ESRRG: variants seen among roughly 807,000 people sequenced by gnomAD.
ESRRG encodes the protein estrogen related receptor gamma.
A neutral mutation model predicts 44.0 loss-of-function variants in ESRRG; 13 were observed. That is an observed-to-expected ratio of 0.30 (90% CI 0.19 to 0.47). The LOEUF is 0.47. Ranked by LOEUF, ESRRG falls within the 20% of genes least tolerant of loss-of-function variation. The pLI, the probability that ESRRG is intolerant of heterozygous loss-of-function variation, is 1.00. For missense variants in ESRRG, 395 were observed against 580.6 expected (o/e 0.68, Z 3.29); for synonymous variants, 215 against 214.6 (o/e 1.00, Z -0.02).
At chr1:216,800,609 G>A (rs1385356292) in intron 2 of ESRRG, among the ~76,000 whole-genome samples, 1 of 152,110 alleles carries the variant, frequency 6.6e-6, no homozygotes, top group Non-Finnish European at 1.5e-5. Flanking sequence ...GAAATAACAA[G>A]GCAGGGGTCC....
chr1:217,132,553 A>T (rs1391465705), intron 1 of ESRRG, among the ~76,000 whole-genome samples: 1 of 152,174 alleles, frequency 6.6e-6, no homozygotes, highest in Admixed American at 6.5e-5. Flanking sequence ...CGAAAAACAC[A>T]ATTTAGGAAC....
chr1:216,905,726 T>G (rs905176410), intron 2 of ESRRG, among the ~76,000 whole-genome samples: 43 of 152,288 alleles, frequency 2.8e-4, no homozygotes, highest in African/African-American at 1.0e-3. Context: ...CTAATATACC[T>G]GTTAAATAAA....
At chr1:216,755,738 T>A (rs748013876) in intron 2 of ESRRG, among the ~76,000 whole-genome samples, 1 of 152,028 alleles carries the variant, frequency 6.6e-6, no homozygotes. Flanking sequence ...TCCTTTAGTG[T>A]AGACCATCAG....
At chr1:216,814,324 C>T (rs2148510057) in intron 2 of ESRRG, among the ~76,000 whole-genome samples, 1 of 152,224 alleles carries the variant, frequency 6.6e-6, no homozygotes, top group East Asian at 1.9e-4. Flanking sequence ...AAATTCACAA[C>T]CTACAGGGAG....
chr1:216,554,239 A>T (rs546964773), intron 5 of ESRRG, among the ~76,000 whole-genome samples: 1 of 152,134 alleles, frequency 6.6e-6, no homozygotes, highest in South Asian at 2.1e-4. Flanking sequence ...GGATCATCTG[A>T]AGTCAGGAGT....
intron 2 of ESRRG, among the ~76,000 whole-genome samples, chr1:216,868,857 T>C (rs1232780800): frequency 1.3e-5 from 2 of 152,352 alleles, no homozygotes; most frequent in East Asian, 3.9e-4. Context: ...ATGCATTTCA[T>C]ATATTTCCTT....
intron 3 of ESRRG, among the ~76,000 whole-genome samples, chr1:216,627,153 A>G (rs2063319326): frequency 6.6e-6 from 1 of 152,234 alleles, no homozygotes; most frequent in South Asian, 2.1e-4. Flanking sequence ...TGTTCTTTGT[A>G]GAAATCAATA....
chr1:217,082,737 A>G (rs568456557), intron 1 of ESRRG, among the ~76,000 whole-genome samples: 1 of 150,238 alleles, frequency 6.7e-6, no homozygotes, highest in South Asian at 2.1e-4. Flanking sequence ...CAACTTGGCC[A>G]ACTACTTCAG....
chr1:217,089,893 G>C (rs1411874304), upstream of ESRRG, among the ~76,000 whole-genome samples: 1 of 152,250 alleles, frequency 6.6e-6, no homozygotes, highest in Non-Finnish European at 1.5e-5. Context: ...GACCCAGGAC[G>C]TCATGATGCC....
chr1:216,701,049 T>C (rs1028697965), intron 1 of ESRRG, among the ~76,000 whole-genome samples: 1 of 152,140 alleles, frequency 6.6e-6, no homozygotes, highest in African/African-American at 2.4e-5. Context: ...AGAAGCTAAT[T>C]TGGCTTTGAG....
At chr1:216,906,300 T>A (rs957925542) in intron 2 of ESRRG, among the ~76,000 whole-genome samples, 2 of 152,188 alleles carry the variant, frequency 1.3e-5, no homozygotes, top group Non-Finnish European at 2.9e-5. Context: ...CTGCTGATAG[T>A]TTTATTTCCT....
At chr1:217,080,199 C>T (rs1453992971) in intron 1 of ESRRG, among the ~76,000 whole-genome samples, 1 of 152,124 alleles carries the variant, frequency 6.6e-6, no homozygotes, top group African/African-American at 2.4e-5. Flanking sequence ...GCATACGTCC[C>T]TTAAAGAGAG....
rs192675805 is a variant in ESRRG at position 216,744,866 on chromosome 1, C to T, written c.-13-67375G>A. Among the ~76,000 whole-genome samples, 225 of 152,310 alleles carry T rather than the reference C, an allele frequency of 1.5e-3. 1 individual carries two copies. Among genetic ancestry groups the T allele is most frequent in the Non-Finnish European group, 2.3e-3 (156 of 68,036 alleles). ...CTCTCCAGGTGAGGGCAGGCATATA[C>T]ATTTTTCTGTAGTTCTCTGAGCAGG... On this transcript the variant is annotated intron_variant, in intron 2 of 7. Transcript: ENST00000359162.
At chr1:216,648,626 C>T (rs2068178369) in intron 3 of ESRRG, among the ~76,000 whole-genome samples, 1 of 151,952 alleles carries the variant, frequency 6.6e-6, no homozygotes. Context: ...TTCTTTAAAC[C>T]TGGAAAAGCA....
chr1:217,054,233 C>G (rs936386940), intron 1 of ESRRG, among the ~76,000 whole-genome samples: 2 of 152,166 alleles, frequency 1.3e-5, no homozygotes, highest in African/African-American at 2.4e-5. Flanking sequence ...CTGTACTTGA[C>G]AGCCAGATTA....
At chr1:216,978,187 C>T (rs1370382583) in intron 1 of ESRRG, among the ~76,000 whole-genome samples, 1 of 152,100 alleles carries the variant, frequency 6.6e-6, no homozygotes, top group Non-Finnish European at 1.5e-5. Context: ...TTCTGGTGGG[C>T]CAAATTCACC....
intron 1 of ESRRG, among the ~76,000 whole-genome samples, chr1:216,953,428 C>T (rs2067321207): frequency 1.3e-5 from 2 of 152,150 alleles, no homozygotes; most frequent in Non-Finnish European, 2.9e-5. Flanking sequence ...TAAAGGCTCA[C>T]AGGCTTTTTT....
At chr1:216,963,369 A>T (rs989125484) in intron 1 of ESRRG, among the ~76,000 whole-genome samples, 2 of 152,182 alleles carry the variant, frequency 1.3e-5, no homozygotes, top group African/African-American at 4.8e-5. Context: ...AGGTAAAATC[A>T]TAGAGTATGT....
intron 3 of ESRRG, among the ~76,000 whole-genome samples, chr1:216,644,496 T>A (rs2150957951): frequency 6.7e-6 from 1 of 149,744 alleles, no homozygotes; most frequent in African/African-American, 2.5e-5. Flanking sequence ...TGGCACGATC[T>A]CCACTCATTG....
Sources: allele counts gnomAD v4.1 joint callset (sites outside exome capture counted in the v4.1 genomes callset), GRCh38; gene constraint gnomAD v4.1.1; transcripts MANE v1.5; gene names NCBI Gene and HGNC (gene_info 2026-07-23, HGNC 2026-07-21).